Variants in ZMYM4 observed in about 807,000 individuals in gnomAD.
The protein encoded by ZMYM4 is zinc finger MYM-type containing 4, also known as zinc finger MYM-type protein 4.
A neutral mutation model predicts 183.2 loss-of-function variants in ZMYM4; 31 were observed. That is an observed-to-expected ratio of 0.17 (90% CI 0.13 to 0.23). The LOEUF (loss-of-function observed/expected upper bound fraction) is 0.23. ZMYM4 is among the 10% of genes least tolerant of loss of function. ZMYM4 has a pLI of 1.00. For missense variants in ZMYM4, 1,273 were observed against 1,840.3 expected (o/e 0.69, Z 5.64); for synonymous variants, 592 against 631.2 (o/e 0.94, Z 0.93).
In ZMYM4 at chr1:35,293,461, T is replaced by G. The variant is rs1001778804; in HGVS notation, c.39+24376T>G. ...CCTGAGTAGCTGAGATTACAGGCAA[T>G]GCGCCACCACACCTGGCTAATATTT... On this transcript the variant is annotated intron_variant, in intron 1 of 29. Transcript: ENST00000314607. Among the ~76,000 whole-genome samples the G allele has an allele frequency of 5.3e-5, 8 of 151,912 alleles. No individual in the cohort carries two copies. The South Asian group carries it at 1.7e-3, about 32-fold the overall frequency.
chr1:35,284,920 C>T (rs750861805), intron 1 of ZMYM4, among the ~76,000 whole-genome samples: 4 of 152,016 alleles, frequency 2.6e-5, no homozygotes, highest in Non-Finnish European at 4.4e-5. Flanking sequence ...AGTATTATTA[C>T]ATGGGGGGTT....
intron 2 of ZMYM4, among the ~76,000 whole-genome samples, chr1:35,336,769 C>T (rs1251592202): frequency 6.6e-6 from 1 of 152,132 alleles, no homozygotes; most frequent in Non-Finnish European, 1.5e-5. Flanking sequence ...TATGGTTTGG[C>T]TCTGTGTCCC....
chr1:35,325,350 G>C lies in ZMYM4; in HGVS notation c.40-10G>C, dbSNP rs1388316628. On this transcript the variant is annotated splice_polypyrimidine_tract_variant and intron_variant, in intron 1 of 29. Transcript: ENST00000314607. ...TGGTAATGTTACTTTTTCCTTTTTTGCTTTTCCAGTTTGAACAAAAAAGTG... is the reference window on the plus strand; with the variant it reads ...TGGTAATGTTACTTTTTCCTTTTTTCCTTTTCCAGTTTGAACAAAAAAGTG... 1 of 1,593,654 alleles carries C rather than the reference G, an allele frequency of 6.3e-7. No homozygotes were observed. Among genetic ancestry groups the C allele is most frequent in the Non-Finnish European group, 8.5e-7 (1 of 1,169,944 alleles).
intron 1 of ZMYM4, among the ~76,000 whole-genome samples, chr1:35,287,247 T>G (rs968788790): frequency 2.6e-5 from 4 of 151,732 alleles, no homozygotes; most frequent in African/African-American, 9.7e-5. Flanking sequence ...TTAGTATTTT[T>G]TAAGAGATGG....
At chr1:35,314,563 G>A (rs1444075072) in intron 1 of ZMYM4, among the ~76,000 whole-genome samples, 1 of 151,494 alleles carries the variant, frequency 6.6e-6, no homozygotes, top group Admixed American at 6.6e-5. Flanking sequence ...GGGATTACAG[G>A]TGTGAGCCAC....
intron 17 of ZMYM4, among the ~76,000 whole-genome samples, chr1:35,393,050 TA>T (rs888370693): frequency 1.8e-4 from 27 of 151,868 alleles, no homozygotes; most frequent in South Asian, 1.5e-3. Flanking sequence ...GATTATACTG[TA>T]AAAAAAAATT....
intron 7 of ZMYM4, 89 bp from the exon 8 acceptor site, chr1:35,381,170 G>T (rs1644450044): frequency 1.8e-6 from 2 of 1,094,128 alleles, no homozygotes; most frequent in South Asian, 1.8e-5. Flanking sequence ...CAGTATAATT[G>T]CCTCTGTTTT....
At chr1:35,281,322 G>A (rs1312169793) in intron 1 of ZMYM4, among the ~76,000 whole-genome samples, 2 of 151,694 alleles carry the variant, frequency 1.3e-5, no homozygotes, top group Non-Finnish European at 2.9e-5. Flanking sequence ...AAAAAAATGT[G>A]TTAAAATGTA....
At chr1:35,275,304 C>T (rs1639815090) in intron 1 of ZMYM4, among the ~76,000 whole-genome samples, 1 of 151,690 alleles carries the variant, frequency 6.6e-6, no homozygotes, top group African/African-American at 2.4e-5. Context: ...TACAGTGGTG[C>T]CATCTCAGCT....
intron 1 of ZMYM4, among the ~76,000 whole-genome samples, chr1:35,275,871 T>G (rs1191308592): frequency 2.0e-5 from 3 of 152,210 alleles, no homozygotes; most frequent in African/African-American, 7.2e-5. Context: ...TCTCTGGAAT[T>G]TAGCAATTTT....
chr1:35,357,619 C>A (rs1643864791), intron 2 of ZMYM4, among the ~76,000 whole-genome samples: 2 of 152,048 alleles, frequency 1.3e-5, no homozygotes. Flanking sequence ...CAGAATTTGT[C>A]CAGGGGGAAA....
chr1:35,301,930 T>C (rs770889718), intron 1 of ZMYM4, among the ~76,000 whole-genome samples: 16 of 152,194 alleles, frequency 1.1e-4, no homozygotes, highest in Non-Finnish European at 2.1e-4. Context: ...TTTGTTTCTC[T>C]TCTCTCAGAG....
At chr1:35,383,299 T>C (rs1644506111) in intron 9 of ZMYM4, among the ~76,000 whole-genome samples, 1 of 152,258 alleles carries the variant, frequency 6.6e-6, no homozygotes, top group African/African-American at 2.4e-5. Context: ...GTAAGTACTT[T>C]TAATATTTTT....
Position 35,359,203 on chromosome 1 carries a change from T to C in ZMYM4, c.364T>C (p.Ser122Pro). 1.2e-6 allele frequency: 2 copies of C among 1,612,498 alleles called. No individual in the cohort carries two copies. The highest frequency in any genetic ancestry group is 1.7e-6 in the Non-Finnish European group (2 of 1,179,326). Residue 122 changes from serine to proline, a missense_variant, in exon 3 of 30, where the codon TCA becomes CCA. Coordinates refer to ENST00000314607, the MANE Select transcript of ZMYM4 (RefSeq NM_005095.3). Reference sequence around the variant, plus strand: ...AGAGAGAAGAGTCACACAGCATGAATCAGACAATGAAAATGAAATACAAAT... The same window carrying C: ...AGAGAGAAGAGTCACACAGCATGAACCAGACAATGAAAATGAAATACAAAT... Reference protein sequence around the residue: ...EVERRVTQHESDNENEIQIQN... With the variant: ...EVERRVTQHEPDNENEIQIQN...
rs576058953 is a variant in ZMYM4 at position 35,362,907 on chromosome 1, C to T, written c.840+1118C>T. Among the ~76,000 whole-genome samples the T allele has an allele frequency of 2.1e-3, 321 of 152,280 alleles. 1 individual carries two copies. Among genetic ancestry groups the T allele is most frequent in the Non-Finnish European group, 3.4e-3 (228 of 68,022 alleles). ...TGTAGAGGGGCCAGACGTGATGGCT[C>T]ACGCCTGTCATCCCAGCACTTGGCA... On this transcript the variant is annotated intron_variant, in intron 5 of 29. Coordinates refer to ENST00000314607, the MANE Select transcript of ZMYM4 (RefSeq NM_005095.3).
chr1:35,349,490 T>C (rs1643517450), intron 2 of ZMYM4, among the ~76,000 whole-genome samples: 2 of 152,194 alleles, frequency 1.3e-5, no homozygotes, highest in South Asian at 4.1e-4. Flanking sequence ...TAGGAAATTA[T>C]ATTTTATTGA....
At chr1:35,272,478 A>T (rs1182229509) in intron 1 of ZMYM4, among the ~76,000 whole-genome samples, 2 of 152,180 alleles carry the variant, frequency 1.3e-5, no homozygotes, top group East Asian at 3.9e-4. Context: ...ACATCTTGTG[A>T]CCTCTACACA....
intron 2 of ZMYM4, among the ~76,000 whole-genome samples, chr1:35,335,359 C>T (rs1213248598): frequency 6.6e-6 from 1 of 151,912 alleles, no homozygotes; most frequent in Non-Finnish European, 1.5e-5. Flanking sequence ...GCCTCAGCAT[C>T]CCGAGTAGCT....
intron 1 of ZMYM4, among the ~76,000 whole-genome samples, chr1:35,311,876 A>G (rs1055188594): frequency 1.3e-5 from 2 of 151,980 alleles, no homozygotes; most frequent in Non-Finnish European, 2.9e-5. Context: ...TTTTGTATGA[A>G]GAGCCTTTCT....
Sources: allele counts gnomAD v4.1 joint callset (sites outside exome capture counted in the v4.1 genomes callset), GRCh38; gene constraint gnomAD v4.1.1; transcripts MANE v1.5; gene names NCBI Gene and HGNC (gene_info 2026-07-23, HGNC 2026-07-21).